The following CAMTA1 variants were observed in gnomAD, a reference collection of about 807,000 sequenced individuals.
CAMTA1 encodes calmodulin-binding transcription activator 1.
CAMTA1 carries 27 observed loss-of-function variants against 170.9 expected under a neutral mutation model. The observed-to-expected ratio is 0.16, with a 90% CI of 0.12 to 0.22. The LOEUF is 0.22. Ranked by LOEUF, CAMTA1 falls within the 10% of genes least tolerant of loss-of-function variation. The pLI, the probability that CAMTA1 is intolerant of heterozygous loss-of-function variation, is 1.00. For missense variants in CAMTA1, 1,619 were observed against 2,217.2 expected, an observed-to-expected ratio of 0.73 and a Z score of 5.42; for synonymous variants, 833 against 891.5, an observed-to-expected ratio of 0.93 and a Z score of 1.17.
chr1:7,168,575 T>C (rs1374799082), intron 4 of CAMTA1, among the ~76,000 whole-genome samples: 1 of 152,212 alleles, frequency 6.6e-6, no homozygotes, highest in Non-Finnish European at 1.5e-5. Flanking sequence ...GCTAACTTTT[T>C]GTATTTTTAG....
At position 7,092,687 on chromosome 1, in the gene CAMTA1, C is replaced by T. The variant is rs1014911880; in HGVS notation, c.302+1316C>T. 1.3e-4 allele frequency among the ~76,000 whole-genome samples: 20 copies of T among 152,222 alleles called. No individual in the cohort carries two copies. Among genetic ancestry groups the T allele is most frequent in the African/African-American group, 2.9e-4 (12 of 41,456 alleles). ...TGCTGTGATAATTCTGTGTAAGAAA[C>T]GACCTGCAAGCTTAGTGACTTTAAA... is the stretch of plus-strand genomic sequence containing the variant. On this transcript the variant is annotated intron_variant, in intron 4 of 22. Transcript: ENST00000303635. The surrounding 1 kb of genome is among the most constrained non-coding windows in gnomAD (Gnocchi z 5.0).
intron 5 of CAMTA1, among the ~76,000 whole-genome samples, chr1:7,458,009 C>G (rs1027526169): frequency 6.6e-6 from 1 of 152,108 alleles, no homozygotes; most frequent in East Asian, 1.9e-4. Context: ...ACGTGTCCTG[C>G]GCCTGCCTGG....
At chr1:6,797,432 C>G (rs1213768322) in intron 1 of CAMTA1, among the ~76,000 whole-genome samples, 1 of 151,426 alleles carries the variant, frequency 6.6e-6, no homozygotes, top group Non-Finnish European at 1.5e-5. Flanking sequence ...GTCACCCAGG[C>G]TGGAGTGCAG....
At chr1:7,083,029 A>G (rs1640243896) in intron 3 of CAMTA1, among the ~76,000 whole-genome samples, 1 of 152,228 alleles carries the variant, frequency 6.6e-6, no homozygotes, top group African/African-American at 2.4e-5. Flanking sequence ...GGTTGAACCA[A>G]TGAGTAGATA....
At chr1:7,042,782 C>T (rs192473855) in intron 3 of CAMTA1, among the ~76,000 whole-genome samples, 90 of 152,322 alleles carry the variant, frequency 5.9e-4, no homozygotes, top group Admixed American at 9.1e-4. Context: ...CTCACAGTTC[C>T]TTCTCTTCTG....
chr1:7,335,970 A>G (rs1030219656), intron 5 of CAMTA1, among the ~76,000 whole-genome samples: 6 of 152,202 alleles, frequency 3.9e-5, no homozygotes, highest in African/African-American at 1.4e-4. Flanking sequence ...CCACCGGCTC[A>G]TCGACTCTGG....
intron 6 of CAMTA1, among the ~76,000 whole-genome samples, chr1:7,480,230 A>T (rs1313551340): frequency 2.4e-5 from 3 of 125,114 alleles, no homozygotes; most frequent in Admixed American, 8.0e-5. Context: ...CGTGTGTGTG[A>T]GTGCATGTGT....
At chr1:7,341,781 A>G (rs1223976528) in intron 5 of CAMTA1, among the ~76,000 whole-genome samples, 1 of 152,216 alleles carries the variant, frequency 6.6e-6, no homozygotes, top group East Asian at 1.9e-4. Flanking sequence ...CACAGAACTC[A>G]AAATCGTGAC....
At chr1:6,938,551 C>A (rs906093429) in intron 3 of CAMTA1, among the ~76,000 whole-genome samples, 1 of 152,162 alleles carries the variant, frequency 6.6e-6, no homozygotes, top group African/African-American at 2.4e-5. Context: ...ACCATGCTGT[C>A]CTCCCAGGTC....
chr1:7,442,946 C>T (rs2092584909), intron 5 of CAMTA1, among the ~76,000 whole-genome samples: 1 of 152,128 alleles, frequency 6.6e-6, no homozygotes, highest in South Asian at 2.1e-4. Flanking sequence ...ACTGCCCTGG[C>T]CTTCCCAGAT....
rs1394520930 is a variant in CAMTA1, at chr1:7,704,886, C to T, written c.2914+27153C>T. 2.1e-5 allele frequency among the ~76,000 whole-genome samples: 3 copies of T among 146,002 alleles called. No homozygotes were observed. In the East Asian group the frequency reaches 6.0e-4, roughly 29 times the overall value. Reference sequence around the variant, plus strand: ...CCTGACGAGCAGGAGCCGAGCTCAGCAGGTCCGGGTAGGTGCGCGGCGGCG... The same window carrying T: ...CCTGACGAGCAGGAGCCGAGCTCAGTAGGTCCGGGTAGGTGCGCGGCGGCG... On this transcript the variant is annotated intron_variant, in intron 11 of 22. Coordinates refer to ENST00000303635, the MANE Select transcript of CAMTA1 (RefSeq NM_015215.4).
chr1:7,283,448 A>G (rs898609031), intron 5 of CAMTA1, among the ~76,000 whole-genome samples: 4 of 152,030 alleles, frequency 2.6e-5, no homozygotes, highest in Non-Finnish European at 5.9e-5. Context: ...CACACAGGTG[A>G]CTCACACTGC....
chr1:7,113,950 A>G lies in CAMTA1; in HGVS notation c.302+22579A>G, dbSNP rs1013587289. Among the ~76,000 whole-genome samples the G allele has an allele frequency of 6.6e-6, 1 of 152,202 alleles. No homozygotes were observed. Among genetic ancestry groups the G allele is most frequent in the Non-Finnish European group, 1.5e-5 (1 of 68,034 alleles). On this transcript the variant is annotated intron_variant, in intron 4 of 22. Transcript: ENST00000303635. The surrounding 1 kb of genome is among the most constrained non-coding windows in gnomAD (Gnocchi z 4.5). ...TTGGTCTTTCTTTACATCATCGGCA[A>G]GCCACTGTTTCGGATTCTTCAGGGC...
chr1:7,180,511 CTT>C (rs397862259), intron 4 of CAMTA1, among the ~76,000 whole-genome samples: 16,061 of 70,992 alleles, frequency 0.23, 678 homozygotes, highest in Admixed American at 0.27. Context: ...TGTCACTAGA[CTT>C]TTTTTTTTTT....
chr1:7,666,368 C>T lies in CAMTA1; in HGVS notation c.2652+1169C>T, dbSNP rs59451157. Among the ~76,000 whole-genome samples the T allele has an allele frequency of 1.2e-3, 183 of 152,222 alleles. 3 individuals are homozygous for T. In the East Asian group the frequency reaches 0.03, roughly 25 times the overall value. ...GCAAAATTCCACACAGGTCATAGGA[C>T]GCAGGATTCCAACGTGCACCCTCCC... On this transcript the variant is annotated intron_variant, in intron 9 of 22. Transcript: ENST00000303635.
intron 3 of CAMTA1, among the ~76,000 whole-genome samples, chr1:7,043,400 G>A (rs986123116): frequency 2.0e-5 from 3 of 152,112 alleles, no homozygotes; most frequent in African/African-American, 4.8e-5. Flanking sequence ...TGCCTGCTCC[G>A]TCAGGTGGGG....
At chr1:6,857,795 A>C (rs1553166458) in intron 3 of CAMTA1, among the ~76,000 whole-genome samples, 1 of 152,232 alleles carries the variant, frequency 6.6e-6, no homozygotes, top group Non-Finnish European at 1.5e-5. Flanking sequence ...GGGGACACTG[A>C]AAATCAAATC....
chr1:6,844,220 A>G (rs956626516), intron 3 of CAMTA1, among the ~76,000 whole-genome samples: 3 of 152,220 alleles, frequency 2.0e-5, no homozygotes, highest in Non-Finnish European at 4.4e-5. Context: ...CAGGAGATGT[A>G]GTTACCTTTG....
chr1:6,858,487 G>GC (rs1663319424), intron 3 of CAMTA1, among the ~76,000 whole-genome samples: 1 of 30,200 alleles, frequency 3.3e-5, no homozygotes, highest in African/African-American at 1.4e-4. Flanking sequence ...TGTGTGTGTT[G>GC]GGGGGGGGGT....
Sources: allele counts gnomAD v4.1 joint callset (sites outside exome capture counted in the v4.1 genomes callset), GRCh38; gene constraint gnomAD v4.1.1; non-coding constraint Gnocchi (gnomAD v3.1); transcripts MANE v1.5; gene names NCBI Gene and HGNC (gene_info 2026-07-23, HGNC 2026-07-21).